Variants in DNAJC6 observed in about 807,000 individuals in gnomAD.
The protein encoded by DNAJC6 is auxilin.
In DNAJC6, 34 loss-of-function variants were observed where a neutral mutation model predicts 110.0. That is an observed-to-expected ratio of 0.31 (90% CI 0.24 to 0.41). DNAJC6 has a LOEUF of 0.41. DNAJC6 is among the 10% of genes least tolerant of loss of function. DNAJC6 has a pLI of 1.00. For synonymous variants in DNAJC6, 406 were observed against 437.2 expected, an observed-to-expected ratio of 0.93 and a Z score of 0.89; for missense variants, 1,031 against 1,207.8, an observed-to-expected ratio of 0.85 and a Z score of 2.17.
chr1:65,289,342 C>T (rs1236409838), intron 1 of DNAJC6, among the ~76,000 whole-genome samples: 2 of 152,068 alleles, frequency 1.3e-5, no homozygotes, highest in African/African-American at 4.8e-5. Context: ...ACTACAGGCG[C>T]GTGCCACCAA....
rs147347702 is a variant in DNAJC6 at position 65,285,629 on chromosome 1, G to A, written c.-131+20697G>A. Among the ~76,000 whole-genome samples the A allele has an allele frequency of 1.3e-3, 203 of 151,800 alleles. 1 individual carries two copies. The highest frequency in any genetic ancestry group is 4.5e-3 in the African/African-American group (187 of 41,412). On this transcript the variant is annotated intron_variant, in intron 1 of 19. Coordinates refer to the DNAJC6 transcript ENST00000263441. ...TAGTCTCCCATAGCTTTCTCTCCCC[G>A]CACTATGATTGTTTTTTCATTTTCA...
rs57352713 is a variant in DNAJC6 at position 65,374,975 on chromosome 1, A to ATTT, written c.544-4416_544-4414dup. On this transcript the variant is annotated intron_variant, in intron 4 of 18. Coordinates refer to ENST00000371069, the MANE Select transcript of DNAJC6 (RefSeq NM_001256864.2). ...TTCCTTCTGTATCTATTTTCTGAGG[A>ATTT]TTTTTTTTTTTTTGAGACGGAGTTT... is the stretch of plus-strand genomic sequence containing the variant. Among the ~76,000 whole-genome samples the ATTT allele has an allele frequency of 4.8e-3, 692 of 143,290 alleles. 6 individuals are homozygous for ATTT. The highest frequency in any genetic ancestry group is 0.015 in the African/African-American group (599 of 38,944). The allele number at this position is 143,290 out of a possible 152,430, so 94.0% of individuals were successfully genotyped here. A position where few individuals can be genotyped will look rare whatever the true frequency, so the allele number is the denominator to read the frequency against.
At chr1:65,348,714 A>C (rs1055554749) in intron 1 of DNAJC6, among the ~76,000 whole-genome samples, 8 of 151,428 alleles carry the variant, frequency 5.3e-5, no homozygotes, top group Non-Finnish European at 1.0e-4. Context: ...GCAGTCTGAT[A>C]ATCTCTGTCT....
chr1:65,369,060 A>AC (rs1645680784), intron 4 of DNAJC6, among the ~76,000 whole-genome samples: 2 of 151,896 alleles, frequency 1.3e-5, no homozygotes, highest in Admixed American at 6.6e-5. Flanking sequence ...GTGAGCCACC[A>AC]CCCCCAGCCC....
intron 1 of DNAJC6, among the ~76,000 whole-genome samples, chr1:65,290,502 T>G (rs1644860186): frequency 6.6e-6 from 1 of 152,226 alleles, no homozygotes; most frequent in African/African-American, 2.4e-5. Context: ...TTTAAAAAAT[T>G]TAAATGCATT....
At chr1:65,364,307 G>A (rs1473945378) in intron 1 of DNAJC6, among the ~76,000 whole-genome samples, 1 of 151,856 alleles carries the variant, frequency 6.6e-6, no homozygotes, top group Non-Finnish European at 1.5e-5. Flanking sequence ...TTTGGAATGT[G>A]TTGTGTGTTT....
intron 14 of DNAJC6, among the ~76,000 whole-genome samples, chr1:65,400,529 A>G (rs1193750894): frequency 6.6e-6 from 1 of 152,028 alleles, no homozygotes; most frequent in Non-Finnish European, 1.5e-5. Context: ...TCTACTCTTT[A>G]TTTCTATGAG....
In DNAJC6 at chr1:65,397,289, T is replaced by TC. The variant is rs544638009; in HGVS notation, c.2039-1519dup. ...GGAGGTCAGACATCCTCAGGGTACT[T>TC]CCCCCGGGTTTCTGCAAGGCGTCGC... On this transcript the variant is annotated intron_variant, in intron 13 of 18. Coordinates refer to ENST00000371069, the MANE Select transcript of DNAJC6 (RefSeq NM_001256864.2). 3.4e-3 allele frequency among the ~76,000 whole-genome samples: 520 copies of TC among 152,182 alleles called. 2 individuals are homozygous for TC. Among genetic ancestry groups the TC allele is most frequent in the African/African-American group, 0.012 (492 of 41,528 alleles).
chr1:65,411,572 A>G, intron 18 of DNAJC6, 146 bp downstream of exon 18: 3 of 737,520 alleles, frequency 4.1e-6, no homozygotes, highest in Non-Finnish European at 6.5e-6. Flanking sequence ...ATTTAAACAA[A>G]TAGTTATACT....
intron 18 of DNAJC6, 106 bp downstream of exon 18, chr1:65,411,532 T>C (rs1646128656): frequency 5.6e-6 from 6 of 1,076,932 alleles, no homozygotes; most frequent in Non-Finnish European, 7.8e-6. Flanking sequence ...CTATTTTTAA[T>C]AAAATTAAGT....
At chr1:65,396,669 T>C (rs1645980014) in intron 13 of DNAJC6, among the ~76,000 whole-genome samples, 1 of 152,200 alleles carries the variant, frequency 6.6e-6, no homozygotes, top group Non-Finnish European at 1.5e-5. Flanking sequence ...TCTGTTGTGC[T>C]TAGTAACTTC....
intron 1 of DNAJC6, among the ~76,000 whole-genome samples, chr1:65,350,082 AT>A (rs969848318): frequency 1.3e-5 from 2 of 152,092 alleles, no homozygotes; most frequent in African/African-American, 2.4e-5. Context: ...TTTGAGTTGA[AT>A]TTTTTTCCAC....
chr1:65,321,862 C>G (rs916084697), intron 1 of DNAJC6, among the ~76,000 whole-genome samples: 1 of 152,128 alleles, frequency 6.6e-6, no homozygotes, highest in Non-Finnish European at 1.5e-5. Context: ...GATATATCAG[C>G]TACTTTAGGA....
At chr1:65,376,950 T>C (rs1245154295) in intron 4 of DNAJC6, among the ~76,000 whole-genome samples, 1 of 152,084 alleles carries the variant, frequency 6.6e-6, no homozygotes, top group African/African-American at 2.4e-5. Context: ...TTTGTGTTTT[T>C]AGTAGAGTTT....
At chr1:65,393,994 C>T (rs141449517) in intron 12 of DNAJC6, among the ~76,000 whole-genome samples, 3 of 152,124 alleles carry the variant, frequency 2.0e-5, no homozygotes, top group African/African-American at 7.2e-5. Context: ...TGCCCTGAAT[C>T]CTATGCCAAT....
intron 1 of DNAJC6, among the ~76,000 whole-genome samples, chr1:65,344,172 G>A (rs1415648261): frequency 2.6e-5 from 4 of 152,178 alleles, no homozygotes; most frequent in African/African-American, 9.7e-5. Flanking sequence ...CAGCCCACCA[G>A]GGTGCAGCCT....
chr1:65,395,336 G>A (rs1027552235), intron 13 of DNAJC6, among the ~76,000 whole-genome samples: 3 of 152,148 alleles, frequency 2.0e-5, no homozygotes, highest in Non-Finnish European at 4.4e-5. Flanking sequence ...ATTATTTTAT[G>A]TACCAATAAG....
intron 1 of DNAJC6, among the ~76,000 whole-genome samples, chr1:65,277,996 C>G (rs1653728247): frequency 2.6e-5 from 4 of 151,910 alleles, no homozygotes; most frequent in Admixed American, 2.6e-4. Flanking sequence ...AAGTGGGGAA[C>G]AAGGGAAAAG....
At chr1:65,405,666 C>T (rs553095221) in intron 15 of DNAJC6, among the ~76,000 whole-genome samples, 37 of 152,018 alleles carry the variant, frequency 2.4e-4, no homozygotes, top group African/African-American at 8.4e-4. Flanking sequence ...AAAAATGAGG[C>T]CATTAAAACA....
Sources: allele counts gnomAD v4.1 joint callset (sites outside exome capture counted in the v4.1 genomes callset), GRCh38; gene constraint gnomAD v4.1.1; transcripts MANE v1.5; gene names NCBI Gene and HGNC (gene_info 2026-07-23, HGNC 2026-07-21).